The following SCAMP1 variants were observed in gnomAD, a reference collection of about 807,000 sequenced individuals.
SCAMP1 encodes secretory carrier membrane protein 1.
A neutral mutation model predicts 41.8 loss-of-function variants in SCAMP1; 15 were observed. That is an observed-to-expected ratio of 0.36 (90% CI 0.24 to 0.55). SCAMP1 has a LOEUF of 0.55. SCAMP1 is among the 20% of genes least tolerant of loss of function. SCAMP1 has a pLI of 0.86. For synonymous variants in SCAMP1, 135 were observed against 136.8 expected (o/e 0.99, Z 0.09); for missense variants, 341 against 412.6 (o/e 0.83, Z 1.50).
At chr5:78,364,934 G>A (rs1294149369) in intron 1 of SCAMP1, among the ~76,000 whole-genome samples, 2 of 146,864 alleles carry the variant, frequency 1.4e-5, no homozygotes, top group African/African-American at 5.0e-5. Context: ...TGTAAATGAC[G>A]AGTTAATGGG....
intron 1 of SCAMP1, among the ~76,000 whole-genome samples, chr5:78,367,286 C>T (rs968972568): frequency 6.6e-6 from 1 of 152,136 alleles, no homozygotes; most frequent in African/African-American, 2.4e-5. Context: ...AATATAATGG[C>T]TTAAAATAAC....
intron 2 of SCAMP1, among the ~76,000 whole-genome samples, chr5:78,414,965 T>A (rs1228346770): frequency 6.6e-6 from 1 of 151,568 alleles, no homozygotes; most frequent in Non-Finnish European, 1.5e-5. Flanking sequence ...TCTTTTTTTT[T>A]TTTTTTGAGA....
intron 2 of SCAMP1, among the ~76,000 whole-genome samples, chr5:78,413,734 A>G (rs993056280): frequency 6.6e-6 from 1 of 151,994 alleles, no homozygotes; most frequent in Non-Finnish European, 1.5e-5. Flanking sequence ...TGCCTTTTGT[A>G]TATGCATTTT....
Position 78,475,525 on chromosome 5 carries a change from A to G in SCAMP1, c.874A>G (p.Thr292Ala). 6.2e-7 allele frequency: 1 copy of G among 1,609,968 alleles called. No homozygotes were observed. Among genetic ancestry groups the G allele is most frequent in the Non-Finnish European group, 8.5e-7 (1 of 1,178,656 alleles). ...FKKVHGLYRT[T>A]GASFEKAQQE... Reference sequence around the variant, plus strand: ...GTAGGTACATGGACTATATCGCACAACAGGTGCTAGTTTTGAGAAGGCCCA... The same window carrying G: ...GTAGGTACATGGACTATATCGCACAGCAGGTGCTAGTTTTGAGAAGGCCCA... Residue 292 changes from threonine to alanine, a missense_variant, in exon 9 of 9, where the codon ACA (threonine) becomes GCA (alanine). By Grantham distance (58) the Thr-to-Ala change is moderately conservative (BLOSUM62 0). Coordinates refer to ENST00000621999, the MANE Select transcript of SCAMP1 (RefSeq NM_004866.6).
intron 5 of SCAMP1, among the ~76,000 whole-genome samples, chr5:78,419,273 G>T (rs1752282083): frequency 1.3e-5 from 2 of 152,164 alleles, no homozygotes; most frequent in African/African-American, 4.8e-5. Flanking sequence ...CCATTTAAAA[G>T]AATTCTGTTA....
At chr5:78,448,353 T>C (rs1753122674) in intron 6 of SCAMP1, among the ~76,000 whole-genome samples, 1 of 150,736 alleles carries the variant, frequency 6.6e-6, no homozygotes, top group Non-Finnish European at 1.5e-5. Flanking sequence ...CTTAAGAGAA[T>C]GAAAAGACAA....
intron 8 of SCAMP1, among the ~76,000 whole-genome samples, chr5:78,463,161 C>A (rs1264750994): frequency 6.6e-6 from 1 of 152,118 alleles, no homozygotes; most frequent in East Asian, 1.9e-4. Flanking sequence ...AACACACATA[C>A]CATTGACACT....
chr5:78,464,987 A>T (rs965554725), intron 8 of SCAMP1, among the ~76,000 whole-genome samples: 1 of 152,134 alleles, frequency 6.6e-6, no homozygotes, highest in Non-Finnish European at 1.5e-5. Flanking sequence ...GATTTTGTTT[A>T]TATGATGTTT....
intron 5 of SCAMP1, among the ~76,000 whole-genome samples, chr5:78,419,609 T>C (rs1752291223): frequency 1.3e-5 from 2 of 152,212 alleles, no homozygotes; most frequent in African/African-American, 4.8e-5. Flanking sequence ...CAGCCTCATT[T>C]TGATACCCTG....
At chr5:78,463,481 T>A (rs1312491976) in intron 8 of SCAMP1, among the ~76,000 whole-genome samples, 1 of 152,254 alleles carries the variant, frequency 6.6e-6, no homozygotes, top group East Asian at 1.9e-4. Flanking sequence ...CATAAACCTT[T>A]AGTTGCATCT....
chr5:78,415,673 T>C (rs1752193551), intron 3 of SCAMP1, 55 bp downstream of exon 3: 2 of 1,111,726 alleles, frequency 1.8e-6, no homozygotes, highest in African/African-American at 1.6e-5. Context: ...ATCAATAACA[T>C]TTGCTTTCAG....
At chr5:78,405,401 T>C (rs1751910350) in intron 2 of SCAMP1, among the ~76,000 whole-genome samples, 1 of 152,178 alleles carries the variant, frequency 6.6e-6, no homozygotes, top group Non-Finnish European at 1.5e-5. Context: ...TTGCACTGGT[T>C]GTCACCTCTG....
intron 2 of SCAMP1, among the ~76,000 whole-genome samples, chr5:78,413,763 G>GTTATATCT (rs1554043613): frequency 6.6e-6 from 1 of 152,144 alleles, no homozygotes; most frequent in Admixed American, 6.6e-5. Context: ...CTGAACTACA[G>GTTATATCT]TTATATCTTT....
chr5:78,388,329 TGTG>T (rs1751396518), intron 1 of SCAMP1, among the ~76,000 whole-genome samples: 1 of 152,232 alleles, frequency 6.6e-6, no homozygotes. Flanking sequence ...TCTATGATCA[TGTG>T]GTGAAATAAA....
At chr5:78,401,391 CTG>C (rs1751794235) in intron 2 of SCAMP1, among the ~76,000 whole-genome samples, 1 of 152,072 alleles carries the variant, frequency 6.6e-6, no homozygotes, top group Admixed American at 6.5e-5. Flanking sequence ...CCGATTGAGA[CTG>C]TATGGAATTA....
intron 6 of SCAMP1, among the ~76,000 whole-genome samples, chr5:78,431,888 A>T (rs1752634056): frequency 6.6e-6 from 1 of 152,098 alleles, no homozygotes. Flanking sequence ...ATATTTTGAT[A>T]CAGGCATGCA....
At chr5:78,413,782 G>A (rs951551952) in intron 2 of SCAMP1, among the ~76,000 whole-genome samples, 6 of 152,244 alleles carry the variant, frequency 3.9e-5, no homozygotes, top group South Asian at 2.1e-4. Context: ...TTGGTTATGC[G>A]TGGCTTCCTT....
intron 6 of SCAMP1, among the ~76,000 whole-genome samples, chr5:78,445,598 T>A (rs1753034313): frequency 6.6e-6 from 1 of 152,186 alleles, no homozygotes; most frequent in Non-Finnish European, 1.5e-5. Flanking sequence ...AAGACCCACC[T>A]TCTGAATGCC....
intron 1 of SCAMP1, among the ~76,000 whole-genome samples, chr5:78,365,800 G>A (rs903120309): frequency 4.6e-5 from 7 of 151,960 alleles, no homozygotes; most frequent in African/African-American, 1.7e-4. Flanking sequence ...ATTTTTTTTA[G>A]AAATGGCCTA....
Sources: gnomAD v4.1 joint callset for allele counts (sites outside exome capture counted in the v4.1 genomes callset) on GRCh38, gnomAD v4.1.1 for gene constraint, MANE v1.5 for transcripts, NCBI Gene and HGNC (gene_info 2026-07-23, HGNC 2026-07-21) for gene names.